Variants in LRR1 observed in about 807,000 individuals in gnomAD.
LRR1 encodes leucine-rich repeat protein 1.
A neutral mutation model predicts 31.6 loss-of-function variants in LRR1; 29 were observed. The ratio of observed to expected loss-of-function variants is 0.92; its 90% CI spans 0.68 to 1.25. The LOEUF is 1.25. Among genes scored for constraint, LRR1 ranks in the 50% most tolerant of loss-of-function variants. The pLI, the probability that LRR1 is intolerant of heterozygous loss-of-function variation, is 0.00. For synonymous variants in LRR1, 179 were observed against 181.4 expected (o/e 0.99, Z 0.10); for missense variants, 485 against 487.2 (o/e 1.00, Z 0.04).
At chr14:49,602,870 T>C (rs1594584850) in intron 2 of LRR1, among the ~76,000 whole-genome samples, 2 of 151,996 alleles carry the variant, frequency 1.3e-5, no homozygotes, top group African/African-American at 4.8e-5. Flanking sequence ...AGTTTTGCTC[T>C]TGCTGCCCAG....
At position 49,607,923 on chromosome 14, in the gene LRR1, G is replaced by A; in HGVS notation, c.806G>A (p.Gly269Glu). Residue 269 changes from glycine (G) to glutamate (E), a missense_variant, in exon 3 of 4, where the codon GGA (glycine) becomes GAA (glutamate). This residue lies in a region of LRR1 where 210 missense variants were observed against 200.4 expected (regional missense o/e 1.05). Transcript: ENST00000298288. ...NELIQFPCKI[G>E]QLINLRFLSA... The stretch of plus-strand genomic sequence containing the variant: ...TTGATTCAATTTCCTTGCAAGATAG[G>A]ACAACTAATAAACCTTCGCTTTTTG... 1.2e-6 allele frequency: 2 copies of A among 1,613,830 alleles called. No individual in the cohort carries two copies. The highest frequency in any genetic ancestry group is 1.7e-6 in the Non-Finnish European group (2 of 1,179,918).
intron 2 of LRR1, among the ~76,000 whole-genome samples, chr14:49,606,069 C>G (rs1453582887): frequency 6.6e-6 from 1 of 150,968 alleles, no homozygotes; most frequent in African/African-American, 2.4e-5. Context: ...CTCTGTCGCC[C>G]AGGCTGCCGT....
chr14:49,601,328 A>C (rs989366722), intron 1 of LRR1, among the ~76,000 whole-genome samples: 1 of 152,186 alleles, frequency 6.6e-6, no homozygotes, highest in African/African-American at 2.4e-5. Context: ...CAACTCTTTA[A>C]GTGTAGTTAC....
intron 3 of LRR1, among the ~76,000 whole-genome samples, chr14:49,608,743 A>T (rs1482841001): frequency 6.6e-6 from 1 of 151,928 alleles, no homozygotes; most frequent in African/African-American, 2.4e-5. Context: ...CTACTGAATC[A>T]GAAACTGAGA....
intron 1 of LRR1, chr14:49,600,348 A>C: frequency 1.3e-6 from 2 of 1,546,482 alleles, no homozygotes; most frequent in South Asian, 1.1e-5. Flanking sequence ...CTTTTTATTA[A>C]TAGGAGCTCA....
intron 2 of LRR1, among the ~76,000 whole-genome samples, chr14:49,605,838 T>C (rs1265385360): frequency 1.3e-5 from 2 of 152,170 alleles, no homozygotes; most frequent in Non-Finnish European, 2.9e-5. Context: ...TTCTCCAGAC[T>C]TTTCCCTACT....
intron 2 of LRR1, among the ~76,000 whole-genome samples, chr14:49,605,249 G>A (rs896699886): frequency 2.0e-5 from 3 of 152,122 alleles, no homozygotes; most frequent in Non-Finnish European, 4.4e-5. Flanking sequence ...TTAAAAGTTC[G>A]ATAACTAAGG....
chr14:49,610,247 G>GTTT (rs397853358), intron 3 of LRR1, among the ~76,000 whole-genome samples: 2 of 139,572 alleles, frequency 1.4e-5, no homozygotes, highest in Non-Finnish European at 3.1e-5. Flanking sequence ...TTTGTTGAGG[G>GTTT]TTTTTTTTTT....
At chr14:49,610,771 C>A (rs1346720572) in intron 3 of LRR1, among the ~76,000 whole-genome samples, 1 of 151,392 alleles carries the variant, frequency 6.6e-6, no homozygotes, top group Admixed American at 6.6e-5. Context: ...ACTATGTTGA[C>A]CAGGCTGGTC....
chr14:49,605,178 G>A lies in LRR1; in HGVS notation c.283-2222G>A, dbSNP rs941117587. Among the ~76,000 whole-genome samples the A allele has an allele frequency of 1.4e-4, 21 of 152,116 alleles. 1 individual carries two copies. Among genetic ancestry groups the A allele is most frequent in the Middle Eastern group, 3.2e-3 (1 of 316 alleles). ...CCAAAGTGGTGAAATTACAGGCATG[G>A]TCCACCACATCTGGCCCAACTGTGC... is the stretch of plus-strand genomic sequence containing the variant. On this transcript the variant is annotated intron_variant, in intron 2 of 3. Transcript: ENST00000298288.
chr14:49,612,383 GTTATGATCTA>G, intron 3 of LRR1: 2 of 971,658 alleles, frequency 2.1e-6, no homozygotes, highest in Admixed American at 4.0e-5. Context: ...CAAGCATACA[GTTATGATCTA>G]TTAGGAAAAT....
chr14:49,604,318 C>CAA (rs942097258), intron 2 of LRR1, among the ~76,000 whole-genome samples: 5 of 151,194 alleles, frequency 3.3e-5, no homozygotes, highest in Admixed American at 1.3e-4. Flanking sequence ...CAAAACAAAA[C>CAA]AAAACAAAAC....
At chr14:49,600,458 A>G in intron 1 of LRR1, 3 of 1,591,506 alleles carry the variant, frequency 1.9e-6, no homozygotes, top group South Asian at 1.1e-5. Flanking sequence ...CAAAAGAGAT[A>G]GGAGCATGCT....
chr14:49,608,217 C>A, intron 3 of LRR1, 96 bp downstream of exon 3: 2 of 1,273,568 alleles, frequency 1.6e-6, no homozygotes, highest in Non-Finnish European at 2.1e-6. Context: ...GCTTACAGTG[C>A]TATGCACAGT....
In LRR1 at chr14:49,599,067, C is replaced by T; in HGVS notation, c.47C>T (p.Ala16Val). The change falls in exon 1 of 4, where the codon GCC (alanine) becomes GTC (valine). Residue 16 changes from alanine to valine, a missense_variant. Ala to Val is a moderately conservative substitution (Grantham distance 64, BLOSUM62 0). Transcript: ENST00000298288. ...EVEVISRHLP[A>V]LGLRNRGKGV... ...GAGGTGATCAGCCGGCACTTGCCCG[C>T]CTTGGGGCTTAGGAACCGGGGCAAG... The T allele has an allele frequency of 6.2e-7, 1 of 1,609,754 alleles. No homozygotes were observed. Among genetic ancestry groups the T allele is most frequent in the East Asian group, 2.2e-5 (1 of 44,790 alleles).
chr14:49,614,103 T>C (rs1266340978), intron 3 of LRR1, among the ~76,000 whole-genome samples, 153 bp from the exon 4 acceptor site: 1 of 152,212 alleles, frequency 6.6e-6, no homozygotes, highest in Non-Finnish European at 1.5e-5. Flanking sequence ...GTATCTGAAG[T>C]TTACAATATG....
At chr14:49,607,336 A>T (rs1161832003) in intron 2 of LRR1, 64 bp from the exon 3 acceptor site, 1 of 1,396,436 alleles carries the variant, frequency 7.2e-7, no homozygotes, top group Non-Finnish European at 9.5e-7. Context: ...TTGTTATGGG[A>T]AGAACTAGCA....
chr14:49,610,296 AGTGCAGTGCGCAAGCGG>A (rs1882464356), intron 3 of LRR1, among the ~76,000 whole-genome samples: 1 of 14,072 alleles, frequency 7.1e-5, no homozygotes, highest in Non-Finnish European at 2.5e-4. Context: ...CCCAGGCTGG[AGTGCAGTGCGCAAGCGG>A]CTGGAGTGCA....
chr14:49,608,899 CTTTTTTTTTTTTT>C (rs34457930), intron 3 of LRR1, among the ~76,000 whole-genome samples: 2 of 71,544 alleles, frequency 2.8e-5, no homozygotes, highest in African/African-American at 1.2e-4. Flanking sequence ...ACTTTAACCT[CTTTTTTTTTTTTT>C]TTTTTTTTTT....
Sources: gnomAD v4.1 joint callset for allele counts (sites outside exome capture counted in the v4.1 genomes callset) on GRCh38, gnomAD v4.1.1 for gene constraint, gnomAD v4.1.1 regional missense constraint, MANE v1.5 for transcripts, NCBI Gene and HGNC (gene_info 2026-07-23, HGNC 2026-07-21) for gene names.